The following TMOD3 variants were observed in gnomAD, a reference collection of about 807,000 sequenced individuals.
TMOD3 encodes the protein tropomodulin-3.
A neutral mutation model predicts 39.2 loss-of-function variants in TMOD3; 20 were observed. That is an observed-to-expected ratio of 0.51 (90% CI 0.36 to 0.74). TMOD3 has a LOEUF of 0.74. TMOD3 is among the 30% of genes least tolerant of loss of function. The pLI is 0.00. For synonymous variants in TMOD3, 143 were observed against 145.8 expected (o/e 0.98, Z 0.14); for missense variants, 381 against 412.8 (o/e 0.92, Z 0.67).
chr15:51,909,196 C>G lies in TMOD3; in HGVS notation c.*386C>G, dbSNP rs2056697793. Reference sequence around the variant, plus strand: ...GTTATTGCTTCATTTAGACATAAAACACTTAAGTGTTTTCTTCACTCCGTG... The same window carrying G: ...GTTATTGCTTCATTTAGACATAAAAGACTTAAGTGTTTTCTTCACTCCGTG... On this transcript the variant is annotated 3_prime_UTR_variant, in exon 10 of 10. Coordinates refer to ENST00000308580, the MANE Select transcript of TMOD3 (RefSeq NM_014547.5). 1 of 161,420 alleles carries G rather than the reference C, an allele frequency of 6.2e-6. No individual in the cohort carries two copies. The highest frequency in any genetic ancestry group is 1.3e-5 in the Non-Finnish European group (1 of 74,124). The allele number at this position is 161,420 out of a possible 1,614,324, so 10.0% of individuals were successfully genotyped here. A position where few individuals can be genotyped will look rare whatever the true frequency, so the allele number is the denominator to read the frequency against.
In TMOD3 at chr15:51,885,911, G is replaced by A. The variant is rs368803938; in HGVS notation, c.284-1678G>A. ...CTCCCAGACGGGGTGGCTGCCGGGC[G>A]GGGGCTGCCCCCCACCTCCCTCCCG... On this transcript the variant is annotated intron_variant, in intron 3 of 9. Transcript: ENST00000308580. 9.6e-5 allele frequency among the ~76,000 whole-genome samples: 14 copies of A among 145,256 alleles called. No homozygotes were observed. The East Asian group carries it at 1.4e-3, about 15-fold the overall frequency.
intron 9 of TMOD3, 53 bp from the exon 10 acceptor site, chr15:51,908,723 A>G: frequency 6.8e-7 from 1 of 1,476,100 alleles, no homozygotes; most frequent in South Asian, 1.3e-5. Flanking sequence ...GCAAGTTACC[A>G]TTGTAAAAAC....
Position 51,915,183 on chromosome 15 carries a change from G to C in TMOD3, c.*6373G>C, listed in dbSNP as rs943739084. Reference sequence around the variant, plus strand: ...ATAGTCTATACATTCAGAAAGTAAGGTTTAAGAATGAATTATTGGTGCTTC... The same window carrying C: ...ATAGTCTATACATTCAGAAAGTAAGCTTTAAGAATGAATTATTGGTGCTTC... On this transcript the variant is annotated 3_prime_UTR_variant, in exon 10 of 10. Transcript: ENST00000308580. The C allele has an allele frequency of 6.6e-6, 1 of 151,878 alleles. No individual in the cohort carries two copies. The highest frequency in any genetic ancestry group is 1.5e-5 in the Non-Finnish European group (1 of 67,976). The allele number at this position is 151,878 out of a possible 1,614,324, so 9.4% of individuals were successfully genotyped here. A position where few individuals can be genotyped will look rare whatever the true frequency, so the allele number is the denominator to read the frequency against.
intron 1 of TMOD3, among the ~76,000 whole-genome samples, chr15:51,841,005 G>A (rs568218037): frequency 6.6e-6 from 1 of 152,142 alleles, no homozygotes; most frequent in African/African-American, 2.4e-5. Flanking sequence ...TGTGTAAAAC[G>A]TATGGCTTTT....
At position 51,884,177 on chromosome 15, in the gene TMOD3, A is replaced by G. The variant is rs867877815; in HGVS notation, c.284-3412A>G. Among the ~76,000 whole-genome samples the G allele has an allele frequency of 4.6e-5, 7 of 152,324 alleles. No individual in the cohort carries two copies. The Middle Eastern group carries it at 0.014, about 296-fold the overall frequency. On this transcript the variant is annotated intron_variant, in intron 3 of 9. Coordinates refer to ENST00000308580, the MANE Select transcript of TMOD3 (RefSeq NM_014547.5). ...GTATTAGCTGTGCTGTGTGACTTTGAGCCCATGTATTTAAATTACACTTTA... is the reference window on the plus strand; with the variant it reads ...GTATTAGCTGTGCTGTGTGACTTTGGGCCCATGTATTTAAATTACACTTTA...
chr15:51,856,582 AC>A (rs1241019122), intron 1 of TMOD3, among the ~76,000 whole-genome samples: 1 of 148,524 alleles, frequency 6.7e-6, no homozygotes, highest in Non-Finnish European at 1.5e-5. Context: ...GTTACATATA[AC>A]CAACAAAGAA....
rs545030617 is a variant in TMOD3, at chr15:51,915,037, T to C, written c.*6227T>C. On this transcript the variant is annotated 3_prime_UTR_variant, in exon 10 of 10. Coordinates refer to ENST00000308580, the MANE Select transcript of TMOD3 (RefSeq NM_014547.5). ...TTGCCACCGCGCCCAGCCCAAATTA[T>C]TACATTCGTAAGACAGACACCTCTT... is the stretch of plus-strand genomic sequence containing the variant. 90 of 152,278 alleles carry C rather than the reference T, an allele frequency of 5.9e-4. 1 individual carries two copies. Among genetic ancestry groups the C allele is most frequent in the African/African-American group, 2.2e-3 (90 of 41,554 alleles). The allele number at this position is 152,278 out of a possible 1,614,324, so 9.4% of individuals were successfully genotyped here.
At chr15:51,883,922 C>T (rs1381046531) in intron 3 of TMOD3, among the ~76,000 whole-genome samples, 1 of 152,160 alleles carries the variant, frequency 6.6e-6, no homozygotes, top group Non-Finnish European at 1.5e-5. Context: ...GTAATCTCAA[C>T]CACTATGAAA....
intron 1 of TMOD3, among the ~76,000 whole-genome samples, chr15:51,843,696 T>C (rs1392686314): frequency 2.0e-5 from 3 of 152,208 alleles, no homozygotes; most frequent in Non-Finnish European, 2.9e-5. Flanking sequence ...AGAGCCTGCA[T>C]AGGACTTTAG....
intron 3 of TMOD3, among the ~76,000 whole-genome samples, chr15:51,875,896 G>T (rs1157998082): frequency 6.6e-6 from 1 of 152,112 alleles, no homozygotes; most frequent in Non-Finnish European, 1.5e-5. Flanking sequence ...GGGATTACAG[G>T]TGTGAGCCAC....
At chr15:51,903,198 A>T (rs572560534) in intron 9 of TMOD3, among the ~76,000 whole-genome samples, 1 of 152,176 alleles carries the variant, frequency 6.6e-6, no homozygotes, top group African/African-American at 2.4e-5. Context: ...TCATTCTCCT[A>T]TGGTTCCTAT....
chr15:51,867,647 C>G (rs1303574069), intron 2 of TMOD3, among the ~76,000 whole-genome samples: 1 of 152,158 alleles, frequency 6.6e-6, no homozygotes, highest in Non-Finnish European at 1.5e-5. Context: ...GAAAAATTGT[C>G]TTATACCACC....
intron 3 of TMOD3, chr15:51,884,566 A>G (rs1236803177): frequency 6.6e-6 from 1 of 152,208 alleles, no homozygotes; most frequent in East Asian, 1.9e-4. Flanking sequence ...GGCTGGTCCA[A>G]GTGCAGTGGT....
At chr15:51,858,910 G>A (rs1030994944) in intron 1 of TMOD3, among the ~76,000 whole-genome samples, 4 of 152,218 alleles carry the variant, frequency 2.6e-5, no homozygotes, top group East Asian at 1.9e-4. Flanking sequence ...GGTGTCCTGC[G>A]CCTATAATCC....
intron 5 of TMOD3, among the ~76,000 whole-genome samples, chr15:51,891,364 A>G (rs936093859): frequency 2.0e-5 from 3 of 148,442 alleles, no homozygotes; most frequent in South Asian, 4.2e-4. Context: ...ATGTTTTTCT[A>G]TCACCTATGT....
Position 51,831,371 on chromosome 15 carries a change from G to A in TMOD3, c.-75+1535G>A, listed in dbSNP as rs187125361. 2.0e-3 allele frequency among the ~76,000 whole-genome samples: 307 copies of A among 152,248 alleles called. 2 individuals are homozygous for A. The highest frequency in any genetic ancestry group is 3.8e-3 in the Non-Finnish European group (257 of 68,000). ...TTACTGGCCCATTGAAACAAAACAG[G>A]TTTGGTACAACAGAAAGGCCCTGAA... On this transcript the variant is annotated intron_variant, in intron 1 of 9. Coordinates refer to ENST00000308580, the MANE Select transcript of TMOD3 (RefSeq NM_014547.5).
At position 51,914,345 on chromosome 15, in the gene TMOD3, A is replaced by T. The variant is rs1232838666; in HGVS notation, c.*5535A>T. On this transcript the variant is annotated 3_prime_UTR_variant, in exon 10 of 10. Coordinates refer to ENST00000308580, the MANE Select transcript of TMOD3 (RefSeq NM_014547.5). The stretch of plus-strand genomic sequence containing the variant: ...TTGTTGTTTTTGTCTTTTACTTAGG[A>T]CACCTGCTCTAGAGGCTAGATAAAA... 1 of 151,946 alleles carries T rather than the reference A, an allele frequency of 6.6e-6. No individual in the cohort carries two copies. Among genetic ancestry groups the T allele is most frequent in the Non-Finnish European group, 1.5e-5 (1 of 67,996 alleles). 9.4% of individuals were successfully genotyped at this position (151,946 alleles called of 1,614,324 possible).
chr15:51,893,774 A>AG, intron 5 of TMOD3, 41 bp from the exon 6 acceptor site: 2 of 1,465,754 alleles, frequency 1.4e-6, no homozygotes, highest in Non-Finnish European at 1.8e-6. Context: ...CAAAAAAAAA[A>AG]AAATGGTATC....
Position 51,910,004 on chromosome 15 carries a change from ACAATT to A in TMOD3, c.*1195_*1199del, listed in dbSNP as rs2056701999. On this transcript the variant is annotated 3_prime_UTR_variant, in exon 10 of 10. Transcript: ENST00000308580. ...TTTCTTGCTCAAAGTATTAAGGTGA[ACAATT>A]GAATAGAGTACTGTGGTCGGGAGAC... 1 of 152,268 alleles carries A rather than the reference ACAATT, an allele frequency of 6.6e-6. No individual in the cohort carries two copies. Among genetic ancestry groups the A allele is most frequent in the Admixed American group, 6.5e-5 (1 of 15,284 alleles). 9.4% of individuals were successfully genotyped at this position (152,268 alleles called of 1,614,324 possible).
Sources: allele counts gnomAD v4.1 joint callset (sites outside exome capture counted in the v4.1 genomes callset), GRCh38; gene constraint gnomAD v4.1.1; transcripts MANE v1.5; gene names NCBI Gene and HGNC (gene_info 2026-07-23, HGNC 2026-07-21).